Variants in FMN2 observed in about 807,000 individuals in gnomAD.
FMN2 encodes the protein formin 2, also known as formin-2.
FMN2 carries 51 observed loss-of-function variants against 142.3 expected under a neutral mutation model. The ratio of observed to expected loss-of-function variants is 0.36; its 90% CI spans 0.29 to 0.45. The LOEUF (loss-of-function observed/expected upper bound fraction) is 0.45. FMN2 is among the 20% of genes least tolerant of loss of function. The pLI, the probability that FMN2 is intolerant of heterozygous loss-of-function variation, is 1.00. For missense variants in FMN2, 1,936 were observed against 2,122.8 expected, an observed-to-expected ratio of 0.91 and a Z score of 1.73; for synonymous variants, 882 against 869.8, an observed-to-expected ratio of 1.01 and a Z score of -0.25.
intron 8 of FMN2, among the ~76,000 whole-genome samples, chr1:240,307,161 A>G (rs548213293): frequency 3.3e-5 from 5 of 152,174 alleles, no homozygotes; most frequent in Non-Finnish European, 7.3e-5. Context: ...TGTCAGATGC[A>G]TAGTTTGCAA....
chr1:240,381,584 C>T (rs1673227874), intron 14 of FMN2, among the ~76,000 whole-genome samples: 1 of 152,118 alleles, frequency 6.6e-6, no homozygotes, highest in Admixed American at 6.5e-5. Flanking sequence ...AACACGCCAC[C>T]ATGCCCAACT....
intron 7 of FMN2, among the ~76,000 whole-genome samples, chr1:240,291,711 C>T (rs1211683010): frequency 1.3e-5 from 2 of 152,008 alleles, no homozygotes; most frequent in African/African-American, 4.8e-5. Context: ...GGTTCCATCC[C>T]TCAGTAGATG....
intron 6 of FMN2, among the ~76,000 whole-genome samples, chr1:240,230,766 T>A (rs1362896715): frequency 1.5e-5 from 2 of 132,232 alleles, no homozygotes; most frequent in African/African-American, 3.2e-5. Flanking sequence ...TTTTGTGTAC[T>A]TAATTACCCC....
chr1:240,386,041 C>T (rs12124187), intron 14 of FMN2, among the ~76,000 whole-genome samples: 23,540 of 152,136 alleles, frequency 0.15, 2,237 homozygotes, highest in Admixed American at 0.27. Context: ...GTCCTAAGAA[C>T]ATGCACAGCA....
In FMN2 at chr1:240,336,553, CAAAAAAAAAAAAAAA is replaced by C. The variant is rs552135436; in HGVS notation, c.4765+2339_4765+2353del. Among the ~76,000 whole-genome samples the C allele has an allele frequency of 2.2e-3, 113 of 50,526 alleles. 3 individuals are homozygous for C. The highest frequency in any genetic ancestry group is 7.6e-3 in the South Asian group (4 of 528). 33.1% of individuals were successfully genotyped at this position (50,526 alleles called of 152,430 possible). A position where few individuals can be genotyped will look rare whatever the true frequency, so the allele number is the denominator to read the frequency against. On this transcript the variant is annotated intron_variant, in intron 13 of 17. Transcript: ENST00000319653. ...GTTAAAAGGACTTCATGGTATTCTC[CAAAAAAAAAAAAAAA>C]AAAAAAAAAAAAAAGGTGGTTGCAA...
chr1:240,382,820 AAAG>A (rs1673276146), intron 14 of FMN2, among the ~76,000 whole-genome samples: 1 of 152,178 alleles, frequency 6.6e-6, no homozygotes, highest in Non-Finnish European at 1.5e-5. Flanking sequence ...TCTTAAATAA[AAAG>A]AAAAAAAAAC....
intron 13 of FMN2, among the ~76,000 whole-genome samples, chr1:240,348,987 G>C (rs1436116011): frequency 6.6e-6 from 1 of 152,194 alleles, no homozygotes; most frequent in Non-Finnish European, 1.5e-5. Flanking sequence ...TGACTGATTT[G>C]ATGGTGCAGA....
At chr1:240,302,927 T>C (rs1670252334) in intron 8 of FMN2, among the ~76,000 whole-genome samples, 1 of 151,956 alleles carries the variant, frequency 6.6e-6, no homozygotes, top group Admixed American at 6.6e-5. Context: ...ATGCCCTATA[T>C]GGATATAAAT....
intron 2 of FMN2, among the ~76,000 whole-genome samples, chr1:240,140,330 G>A (rs552088608): frequency 9.2e-5 from 14 of 152,268 alleles, no homozygotes; most frequent in South Asian, 2.1e-4. Context: ...TACAAGCCTG[G>A]TGAGATAGTT....
intron 13 of FMN2, among the ~76,000 whole-genome samples, chr1:240,349,678 C>G (rs1672026163): frequency 6.6e-6 from 1 of 152,190 alleles, no homozygotes; most frequent in Non-Finnish European, 1.5e-5. Context: ...TTTCTTTCCT[C>G]TGGCTGGGTT....
rs145087650 is a variant in FMN2, at chr1:240,134,885, G to A, written c.1782+11540G>A. ...CCACATCTTTCTGGATGGAGTGGAA[G>A]GGAAATGGAAAGAGTAGGGAAAGCT... is the stretch of plus-strand genomic sequence containing the variant. On this transcript the variant is annotated intron_variant, in intron 2 of 17. Coordinates refer to ENST00000319653, the MANE Select transcript of FMN2 (RefSeq NM_020066.5). Among the ~76,000 whole-genome samples the A allele has an allele frequency of 3.0e-4, 45 of 152,256 alleles. No homozygotes were observed. In the South Asian group the frequency reaches 8.7e-3, roughly 29 times the overall value.
At chr1:240,441,250 C>T (rs987634405) in intron 16 of FMN2, among the ~76,000 whole-genome samples, 11 of 152,112 alleles carry the variant, frequency 7.2e-5, no homozygotes, top group African/African-American at 2.7e-4. Flanking sequence ...ACCTGAGTCT[C>T]CCAATGTGCT....
rs778160976 is a variant in FMN2 at position 240,207,558 on chromosome 1, C to G, written c.2746C>G (p.Pro916Ala). 2 of 1,610,208 alleles carry G rather than the reference C, an allele frequency of 1.2e-6. No individual in the cohort carries two copies. The highest frequency in any genetic ancestry group is 1.7e-6 in the Non-Finnish European group (2 of 1,178,054). ...EMLPPPPPPLPGAGIPPPPPL... is the reference protein window; with the variant it reads ...EMLPPPPPPLAGAGIPPPPPL... ...GCTGCCACCCCCTCCCCCTCCTCTT[C>G]CCGGAGCGGGCATACCTCCTCCGCC... Residue 916 changes from proline (P) to alanine (A), a missense_variant, in exon 5 of 18, where the codon CCC (proline) becomes GCC (alanine). Pro to Ala is a conservative substitution (Grantham distance 27, BLOSUM62 -1). Transcript: ENST00000319653.
At chr1:240,317,311 G>A (rs868859978) in intron 8 of FMN2, among the ~76,000 whole-genome samples, 42 of 118,908 alleles carry the variant, frequency 3.5e-4, no homozygotes, top group African/African-American at 9.1e-4. Context: ...CATCTAAAAA[G>A]AAAAAGAAAA....
At chr1:240,328,147 CAAAAAAAAAAAAAAAAAAAA>C (rs780595882) in intron 8 of FMN2, among the ~76,000 whole-genome samples, 1 of 51,456 alleles carries the variant, frequency 1.9e-5, no homozygotes, top group South Asian at 1.0e-3. Flanking sequence ...GACCCCATCT[CAAAAAAAAAAAAAAAAAAAA>C]AAAAAGAAAA....
chr1:240,255,861 A>G (rs1325727184), intron 6 of FMN2, among the ~76,000 whole-genome samples: 1 of 152,194 alleles, frequency 6.6e-6, no homozygotes, highest in Non-Finnish European at 1.5e-5. Context: ...AGGAGAAATT[A>G]TAGGTTATAA....
chr1:240,139,334 CTGAATTTGAGGATACCTCTTTAAATATAT>C (rs1663080748), intron 2 of FMN2, among the ~76,000 whole-genome samples: 2 of 44,118 alleles, frequency 4.5e-5, no homozygotes, highest in African/African-American at 2.4e-4. Flanking sequence ...TAAAATCCTA[CTGAATTTGAGGATACCTCTTTAAATATAT>C]ACAAAAAGGC....
rs542763708 is a variant in FMN2, at chr1:240,329,606, C to G, written c.4437+138C>G. 1.9e-4 allele frequency: 219 copies of G among 1,160,026 alleles called. 1 individual carries two copies. In the Middle Eastern group the frequency reaches 5.0e-3, roughly 26 times the overall value. 71.9% of individuals were successfully genotyped at this position (1,160,026 alleles called of 1,614,324 possible). A position where few individuals can be genotyped will look rare whatever the true frequency, so the allele number is the denominator to read the frequency against. The stretch of plus-strand genomic sequence containing the variant: ...AGGATCGCAGTCCCACAGAAGGGAA[C>G]ATTTTATGATTGACCTTCAAGATCA... On this transcript the variant is annotated intron_variant, in intron 10 of 17. Coordinates refer to ENST00000319653, the MANE Select transcript of FMN2 (RefSeq NM_020066.5).
chr1:240,180,144 C>T, intron 3 of FMN2: 2 of 1,270,820 alleles, frequency 1.6e-6, no homozygotes, highest in Non-Finnish European at 1.0e-6. Flanking sequence ...TAACTTGTCT[C>T]CTTTTTAAAA....
Sources: gnomAD v4.1 joint callset for allele counts (sites outside exome capture counted in the v4.1 genomes callset) on GRCh38, gnomAD v4.1.1 for gene constraint, MANE v1.5 for transcripts, NCBI Gene and HGNC (gene_info 2026-07-23, HGNC 2026-07-21) for gene names.